The following PHLPP1 variants were observed in gnomAD, a reference collection of about 807,000 sequenced individuals.
PHLPP1 encodes PH domain leucine-rich repeat-containing protein phosphatase 1.
PHLPP1 carries 42 observed loss-of-function variants against 117.2 expected under a neutral mutation model. The ratio of observed to expected loss-of-function variants is 0.36; its 90% CI spans 0.28 to 0.46. The LOEUF (loss-of-function observed/expected upper bound fraction) is 0.46. Among genes scored for constraint, PHLPP1 ranks in the 20% least tolerant of loss-of-function variants. The probability of loss-of-function intolerance (pLI) is 1.00; values close to 1 mark genes in which losing one functional copy is unlikely to be tolerated. For synonymous variants in PHLPP1, 1,042 were observed against 970.7 expected (o/e 1.07, Z -1.37); for missense variants, 2,084 against 2,241.9 (o/e 0.93, Z 1.42).
chr18:62,852,411 T>G (rs977115906), intron 3 of PHLPP1, among the ~76,000 whole-genome samples: 1 of 152,178 alleles, frequency 6.6e-6, no homozygotes, highest in Admixed American at 6.5e-5. Context: ...TGGCCCAATC[T>G]CGGCTCACTG....
intron 9 of PHLPP1, among the ~76,000 whole-genome samples, chr18:62,916,470 T>A (rs1909278226): frequency 6.6e-6 from 1 of 151,958 alleles, no homozygotes; most frequent in African/African-American, 2.4e-5. Context: ...AAAGCTCTGT[T>A]AATTTCATTA....
intron 1 of PHLPP1, among the ~76,000 whole-genome samples, chr18:62,729,353 T>TTTTA (rs774284044): frequency 2.6e-5 from 4 of 152,168 alleles, no homozygotes; most frequent in Non-Finnish European, 5.9e-5. Context: ...ACTATAGGCT[T>TTTTA]TTTAATACAT....
intron 6 of PHLPP1, among the ~76,000 whole-genome samples, chr18:62,901,243 C>T (rs1302542579): frequency 6.6e-6 from 1 of 151,324 alleles, no homozygotes; most frequent in Non-Finnish European, 1.5e-5. Context: ...ACATTTGTTC[C>T]ATTCCTGCAG....
At chr18:62,880,493 CT>C (rs1395055772) in intron 4 of PHLPP1, among the ~76,000 whole-genome samples, 1 of 151,636 alleles carries the variant, frequency 6.6e-6, no homozygotes, top group Non-Finnish European at 1.5e-5. Flanking sequence ...CATTTTCTGC[CT>C]TTTTAAGGAA....
Position 62,914,992 on chromosome 18 carries a change from T to C in PHLPP1, c.2788T>C (p.Cys930Arg), listed in dbSNP as rs752470373. 1.9e-6 allele frequency: 3 copies of C among 1,612,556 alleles called. No individual in the cohort carries two copies. The highest frequency in any genetic ancestry group is 2.7e-5 in the African/African-American group (2 of 74,906). ...EVLDIGHNQI[C>R]ELPARLFCNS... is the part of the protein sequence containing the mutation. ...TTTGGATATTGGCCATAATCAAATA[T>C]GTGAACTTCCTGCCCGGTGAGTATT... is the stretch of plus-strand genomic sequence containing the variant. The change falls in exon 9 of 17, where the codon TGT (cysteine) becomes CGT (arginine). Residue 930 changes from cysteine (C) to arginine (R), a missense_variant. Cys to Arg is a radical substitution (Grantham distance 180). Coordinates refer to ENST00000262719, the MANE Select transcript of PHLPP1 (RefSeq NM_194449.4).
At chr18:62,923,238 A>G (rs549539) in intron 10 of PHLPP1, among the ~76,000 whole-genome samples, 81,813 of 152,040 alleles carry the variant, frequency 0.54, 22,568 homozygotes, top group Non-Finnish European at 0.61. Flanking sequence ...AGGACAGGGC[A>G]GGATAAATGC....
At chr18:62,756,895 T>G (rs571963139) in intron 1 of PHLPP1, among the ~76,000 whole-genome samples, 2 of 152,244 alleles carry the variant, frequency 1.3e-5, no homozygotes, top group African/African-American at 4.8e-5. Context: ...AAAGTGGGGT[T>G]TGATCAAGAA....
rs1260750676 is a variant in PHLPP1 at position 62,766,900 on chromosome 18, G to T, written c.1576+49641G>T. On this transcript the variant is annotated intron_variant, in intron 1 of 16. Transcript: ENST00000262719. ...GAGGGTAACAAATTTAAAATGAGAA[G>T]TTTTTGAAAGATAAACTGTCTACAG... Among the ~76,000 whole-genome samples, 5 of 152,086 alleles carry T rather than the reference G, an allele frequency of 3.3e-5. No individual in the cohort carries two copies. The East Asian group carries it at 9.6e-4, about 29-fold the overall frequency.
At position 62,864,613 on chromosome 18, in the gene PHLPP1, A is replaced by G. The variant is rs114134997; in HGVS notation, c.2066+4012A>G. 2.1e-3 allele frequency among the ~76,000 whole-genome samples: 327 copies of G among 152,360 alleles called. 1 individual carries two copies. The highest frequency in any genetic ancestry group is 7.6e-3 in the African/African-American group (315 of 41,590). On this transcript the variant is annotated intron_variant, in intron 4 of 16. Coordinates refer to ENST00000262719, the MANE Select transcript of PHLPP1 (RefSeq NM_194449.4). ...CCTACACAAAGAGTACAACAGCAAT[A>G]TATTCTACAACAGTAAAACAAAATA...
intron 9 of PHLPP1, among the ~76,000 whole-genome samples, chr18:62,917,023 G>T (rs948875198): frequency 1.0e-4 from 15 of 150,260 alleles, no homozygotes; most frequent in African/African-American, 3.7e-4. Flanking sequence ...CAAAGTGCTG[G>T]GATTATAGCC....
intron 4 of PHLPP1, among the ~76,000 whole-genome samples, chr18:62,884,808 T>A (rs551257014): frequency 2.2e-4 from 34 of 152,362 alleles, no homozygotes; most frequent in African/African-American, 8.2e-4. Context: ...TTTCTCTTCC[T>A]GGGTGTTACT....
At chr18:62,867,047 T>A (rs1373269166) in intron 4 of PHLPP1, among the ~76,000 whole-genome samples, 1 of 152,234 alleles carries the variant, frequency 6.6e-6, no homozygotes, top group South Asian at 2.1e-4. Context: ...TTTGTATTTT[T>A]AAAAATTTAA....
chr18:62,826,334 AT>A, intron 1 of PHLPP1: 1 of 364,922 alleles, frequency 2.7e-6, no homozygotes, highest in Non-Finnish European at 5.4e-6. Context: ...TTATTTTATT[AT>A]TTTAGATTTA....
At chr18:62,932,047 A>T (rs1257107240) in intron 10 of PHLPP1, among the ~76,000 whole-genome samples, 1 of 152,186 alleles carries the variant, frequency 6.6e-6, no homozygotes, top group African/African-American at 2.4e-5. Context: ...CTGGAAACAC[A>T]CAGCTTCCCA....
chr18:62,721,972 T>C (rs1910934117), intron 1 of PHLPP1, among the ~76,000 whole-genome samples: 1 of 152,212 alleles, frequency 6.6e-6, no homozygotes, highest in African/African-American at 2.4e-5. Context: ...GCATTTTAGT[T>C]TAACATTTGT....
At chr18:62,977,495 T>A (rs991014175) in intron 16 of PHLPP1, among the ~76,000 whole-genome samples, 16 of 149,088 alleles carry the variant, frequency 1.1e-4, no homozygotes, top group Admixed American at 1.1e-3. Context: ...ACTTTGGTAA[T>A]TGATTTAAAT....
intron 9 of PHLPP1, among the ~76,000 whole-genome samples, chr18:62,918,811 T>C (rs1009523097): frequency 1.3e-5 from 2 of 152,040 alleles, no homozygotes; most frequent in Non-Finnish European, 2.9e-5. Flanking sequence ...TGTCTTGTAT[T>C]CTTGAAAATA....
chr18:62,955,860 A>G (rs1235940054), intron 12 of PHLPP1, among the ~76,000 whole-genome samples: 3 of 152,018 alleles, frequency 2.0e-5, no homozygotes, highest in African/African-American at 7.2e-5. Context: ...TTAGCTCTTT[A>G]TTTCCTGTCC....
intron 1 of PHLPP1, among the ~76,000 whole-genome samples, chr18:62,791,339 A>G (rs568847610): frequency 2.0e-5 from 3 of 152,240 alleles, no homozygotes; most frequent in Admixed American, 6.5e-5. Flanking sequence ...GTGTAGCCAC[A>G]TGTTTCCTCC....
Sources: gnomAD v4.1 joint callset for allele counts (sites outside exome capture counted in the v4.1 genomes callset) on GRCh38, gnomAD v4.1.1 for gene constraint, MANE v1.5 for transcripts, NCBI Gene and HGNC (gene_info 2026-07-23, HGNC 2026-07-21) for gene names.